ZNF541: variants seen among roughly 807,000 people sequenced by gnomAD.
ZNF541 encodes the protein zinc finger protein 541.
A neutral mutation model predicts 123.5 loss-of-function variants in ZNF541; 23 were observed. The observed-to-expected ratio is 0.19, with a 90% CI of 0.13 to 0.26. ZNF541 has a LOEUF of 0.26. Among genes scored for constraint, ZNF541 ranks in the 10% least tolerant of loss-of-function variants. The pLI is 1.00. For synonymous variants in ZNF541, 751 were observed against 754.5 expected (o/e 1.00, Z 0.08); for missense variants, 1,612 against 1,789.9 (o/e 0.90, Z 1.79).
chr19:47,539,635 G>A, intron 8 of ZNF541, 70 bp downstream of exon 8: 1 of 1,365,744 alleles, frequency 7.3e-7, no homozygotes, highest in Non-Finnish European at 9.4e-7. Context: ...ATCTGGTTTG[G>A]GTTTTTCCTA....
rs933458445 is a variant in ZNF541 at position 47,544,748 on chromosome 19, T to C, written c.1781A>G (p.Gln594Arg). The C allele has an allele frequency of 2.7e-6, 4 of 1,501,556 alleles. No homozygotes were observed. The African/African-American group carries it at 5.5e-5, about 21-fold the overall frequency. 93.0% of individuals were successfully genotyped at this position (1,501,556 alleles called of 1,614,324 possible). Residue 594 changes from glutamine to arginine, a missense_variant, in exon 5 of 17, where the codon CAG becomes CGG. Physicochemically the swap from Gln to Arg is conservative, Grantham distance 43. Coordinates refer to ENST00000391901, the MANE Select transcript of ZNF541 (RefSeq NM_001277075.3). ...EGKPAALRPL[Q>R]GPWPQQPPPL... is the part of the protein sequence containing the mutation. ...TGGGGGCTGCTGCGGCCACGGCCCCTGCAGCGGCCTCAGGGCGGCTGGTTT... is the reference window on the plus strand; with the variant it reads ...TGGGGGCTGCTGCGGCCACGGCCCCCGCAGCGGCCTCAGGGCGGCTGGTTT...
chr19:47,544,765 G>T lies in ZNF541; in HGVS notation c.1764C>A (p.Ala588=). The change falls in exon 5 of 17, where the codon GCC becomes GCA. Residue 588 remains alanine (A), a synonymous_variant. Transcript: ENST00000391901. ...ACGGCCCCTGCAGCGGCCTCAGGGC[G>T]GCTGGTTTGCCCTCGGGCGCAGGGA... The part of the protein sequence containing the change: ...SQLPAPEGKP[A]ALRPLQGPWP... 6.6e-7 allele frequency: 1 copy of T among 1,507,768 alleles called. No homozygotes were observed. The highest frequency in any genetic ancestry group is 8.8e-7 in the Non-Finnish European group (1 of 1,130,740). 93.4% of individuals were successfully genotyped at this position (1,507,768 alleles called of 1,614,324 possible). A position where few individuals can be genotyped will look rare whatever the true frequency, so the allele number is the denominator to read the frequency against.
At chr19:47,540,040 G>T in intron 7 of ZNF541, 136 bp downstream of exon 7, 1 of 1,419,282 alleles carries the variant, frequency 7.0e-7, no homozygotes, top group Non-Finnish European at 9.3e-7. Flanking sequence ...TGCCCCTGGA[G>T]AGCCACACAG....
chr19:47,563,815 A>AG (rs550722648), intron 2 of ZNF541, among the ~76,000 whole-genome samples: 120 of 152,264 alleles, frequency 7.9e-4, no homozygotes, highest in African/African-American at 2.7e-3. Context: ...CACGCTGGTC[A>AG]GGCTGGTCTC....
At chr19:47,535,727 G>GT (rs556228596) in intron 9 of ZNF541, among the ~76,000 whole-genome samples, 2,330 of 143,034 alleles carry the variant, frequency 0.016, 20 homozygotes, top group Middle Eastern at 0.029. Flanking sequence ...CCCCAGAGTT[G>GT]TTTTTTTTTT....
chr19:47,546,611 C>G (rs1400168848), intron 4 of ZNF541, among the ~76,000 whole-genome samples: 1 of 151,968 alleles, frequency 6.6e-6, no homozygotes, highest in Non-Finnish European at 1.5e-5. Flanking sequence ...CCAAGGAACA[C>G]AAAGACCTCC....
chr19:47,529,844 A>C (rs181319704), intron 12 of ZNF541, among the ~76,000 whole-genome samples, 192 bp from the exon 13 acceptor site: 3 of 152,302 alleles, frequency 2.0e-5, no homozygotes, highest in Admixed American at 2.0e-4. Flanking sequence ...GTCACCAGGC[A>C]CACCACTGAA....
chr19:47,539,758 G>A lies in ZNF541; in HGVS notation c.2743C>T (p.Pro915Ser). ...DPTAAAPLVV[P>S]QSIPVVPVTR... The stretch of plus-strand genomic sequence containing the variant: ...ACTGGAACCACGGGGATCGATTGGG[G>A]GACCACCAAAGGGGCTGCAGCTGTG... Residue 915 changes from proline to serine, a missense_variant, in exon 8 of 17, where the codon CCC becomes TCC. Physicochemically the swap from Pro to Ser is moderately conservative, Grantham distance 74. This residue lies in a region of ZNF541 where 1,080 missense variants were observed against 1,013.8 expected (regional missense o/e 1.07). Transcript: ENST00000391901. 6.8e-7 allele frequency: 1 copy of A among 1,464,526 alleles called. No individual in the cohort carries two copies. The highest frequency in any genetic ancestry group is 1.5e-5 in the African/African-American group (1 of 66,926). 90.7% of individuals were successfully genotyped at this position (1,464,526 alleles called of 1,614,324 possible).
At chr19:47,523,496 G>A (rs1371132138) in intron 14 of ZNF541, among the ~76,000 whole-genome samples, 1 of 152,032 alleles carries the variant, frequency 6.6e-6, no homozygotes, top group African/African-American at 2.4e-5. Context: ...AGTCAAAACA[G>A]CACAAACTCT....
intron 2 of ZNF541, among the ~76,000 whole-genome samples, chr19:47,570,381 C>G (rs946926826): frequency 2.0e-4 from 31 of 151,398 alleles, no homozygotes; most frequent in Admixed American, 4.0e-4. Context: ...AGTTTGAGAC[C>G]GCCTTGCCAA....
At chr19:47,559,995 C>T (rs985411327) in intron 2 of ZNF541, among the ~76,000 whole-genome samples, 2 of 152,082 alleles carry the variant, frequency 1.3e-5, no homozygotes, top group Non-Finnish European at 2.9e-5. Context: ...TTCCCTGGTG[C>T]TGGAGGGAAC....
At chr19:47,566,569 A>T (rs1971270929) in intron 2 of ZNF541, among the ~76,000 whole-genome samples, 1 of 151,806 alleles carries the variant, frequency 6.6e-6, no homozygotes, top group African/African-American at 2.4e-5. Context: ...AATATAGTGA[A>T]ACCCCATCTC....
rs1203484795 is a variant in ZNF541 at position 47,545,553 on chromosome 19, C to A, written c.976G>T (p.Ala326Ser). The A allele has an allele frequency of 1.3e-6, 2 of 1,536,428 alleles. No homozygotes were observed. Among genetic ancestry groups the A allele is most frequent in the African/African-American group, 1.4e-5 (1 of 72,842 alleles). The change falls in exon 5 of 17, where the codon GCC (alanine) becomes TCC (serine). Residue 326 changes from alanine (A) to serine (S), a missense_variant. This residue lies in a region of ZNF541 where 1,080 missense variants were observed against 1,013.8 expected (regional missense o/e 1.07). Transcript: ENST00000391901. The surrounding 1 kb of genome is among the most constrained non-coding windows in gnomAD (Gnocchi z 7.5). ...AGCTCGGTGTCCAGCGCTGCTGGGG[C>A]CGCGTGGGGGCCGGCTGGGGTGCAG... ...SSCTPAGPHA[A>S]PAALDTELPE...
At position 47,538,373 on chromosome 19, in the gene ZNF541, G is replaced by A. The variant is rs201362446; in HGVS notation, c.2863C>T (p.Arg955Trp). Residue 955 changes from arginine (R) to tryptophan (W), a missense_variant, in exon 9 of 17, where the codon CGG becomes TGG. By Grantham distance (101) the Arg-to-Trp change is moderately radical. Coordinates refer to ENST00000391901, the MANE Select transcript of ZNF541 (RefSeq NM_001277075.3). ...ESSQQRKRKK[R>W]PPPSTAGEPG... is the part of the protein sequence containing the mutation. Reference sequence around the variant, plus strand: ...TCCCCAGCCGTGGAGGGTGGGGGCCGCTTCTTCCGCTTTCTCTGCTGGCTG... The same window carrying A: ...TCCCCAGCCGTGGAGGGTGGGGGCCACTTCTTCCGCTTTCTCTGCTGGCTG... 6.9e-5 allele frequency: 106 copies of A among 1,543,224 alleles called. No homozygotes were observed. Among genetic ancestry groups the A allele is most frequent in the Non-Finnish European group, 8.4e-5 (96 of 1,142,664 alleles).
intron 4 of ZNF541, among the ~76,000 whole-genome samples, chr19:47,548,304 G>A (rs1236214624): frequency 1.3e-5 from 2 of 151,196 alleles, no homozygotes; most frequent in Non-Finnish European, 3.0e-5. Context: ...TTAGCTGGGC[G>A]GGGTGGCATG....
intron 2 of ZNF541, among the ~76,000 whole-genome samples, chr19:47,563,893 C>A (rs777726920): frequency 3.9e-5 from 6 of 152,076 alleles, no homozygotes; most frequent in Non-Finnish European, 7.4e-5. Flanking sequence ...GGCATAAGCC[C>A]CCGCGCCTGG....
chr19:47,563,816 G>C (rs532759885), intron 2 of ZNF541, among the ~76,000 whole-genome samples: 2 of 151,830 alleles, frequency 1.3e-5, no homozygotes, highest in Non-Finnish European at 2.9e-5. Context: ...ACGCTGGTCA[G>C]GCTGGTCTCA....
intron 14 of ZNF541, among the ~76,000 whole-genome samples, chr19:47,523,153 C>G (rs533944478): frequency 6.6e-6 from 1 of 150,796 alleles, no homozygotes; most frequent in African/African-American, 2.4e-5. Context: ...CTCAGCCTCC[C>G]GAGTAGCTGG....
chr19:47,546,650 G>A (rs1244198522), intron 4 of ZNF541, among the ~76,000 whole-genome samples: 1 of 152,170 alleles, frequency 6.6e-6, no homozygotes, highest in Non-Finnish European at 1.5e-5. Flanking sequence ...CTTTGGCACA[G>A]CTAATAAATA....
Sources: allele counts gnomAD v4.1 joint callset (sites outside exome capture counted in the v4.1 genomes callset), GRCh38; gene constraint gnomAD v4.1.1; regional missense constraint gnomAD v4.1.1; non-coding constraint Gnocchi (gnomAD v3.1); transcripts MANE v1.5; gene names NCBI Gene and HGNC (gene_info 2026-07-23, HGNC 2026-07-21).